Variants in TRPM3 observed in about 807,000 individuals in gnomAD.
TRPM3 encodes transient receptor potential cation channel subfamily M member 3, also known as long transient receptor potential channel 3.
In TRPM3, 77 loss-of-function variants were observed where a neutral mutation model predicts 181.2. That is an observed-to-expected ratio of 0.42 (90% CI 0.35 to 0.51). The LOEUF is 0.51. TRPM3 is among the 20% of genes least tolerant of loss of function. TRPM3 has a pLI of 0.01. For missense variants in TRPM3, 1,759 were observed against 2,196.7 expected (o/e 0.80, Z 3.98); for synonymous variants, 745 against 796.4 (o/e 0.94, Z 1.09).
chr9:71,035,019 T>C (rs2058023881), intron 1 of TRPM3, among the ~76,000 whole-genome samples: 2 of 152,190 alleles, frequency 1.3e-5, no homozygotes, highest in South Asian at 4.1e-4. Context: ...TATTCCTTGT[T>C]TACAGCGGCA....
chr9:71,407,554 T>C (rs1588888767), intron 1 of TRPM3, among the ~76,000 whole-genome samples: 1 of 152,178 alleles, frequency 6.6e-6, no homozygotes, highest in Non-Finnish European at 1.5e-5. Context: ...GAGGCTTGAC[T>C]AGGTAAACAA....
intron 1 of TRPM3, among the ~76,000 whole-genome samples, chr9:71,215,685 A>G (rs1270278172): frequency 2.6e-5 from 4 of 152,362 alleles, no homozygotes; most frequent in Non-Finnish European, 4.4e-5. Context: ...ATAAAATTGA[A>G]TGAAATCTCC....
chr9:71,117,752 T>G (rs1298156328), intron 1 of TRPM3, among the ~76,000 whole-genome samples: 2 of 152,202 alleles, frequency 1.3e-5, no homozygotes, highest in African/African-American at 4.8e-5. Context: ...TATAAAAATT[T>G]GAAAGTCTTA....
chr9:71,400,997 A>C (rs1259306170), intron 1 of TRPM3, among the ~76,000 whole-genome samples: 1 of 152,094 alleles, frequency 6.6e-6, no homozygotes, highest in East Asian at 1.9e-4. Flanking sequence ...CAGGAGTTGG[A>C]AACCAGCCTG....
chr9:71,328,043 G>A (rs1264612066), intron 1 of TRPM3, among the ~76,000 whole-genome samples: 1 of 144,304 alleles, frequency 6.9e-6, no homozygotes, highest in Non-Finnish European at 1.5e-5. Flanking sequence ...ATTAGCCAGA[G>A]AAATGATAGG....
At position 71,104,570 on chromosome 9, in the gene TRPM3, TAAG is replaced by T. The variant is rs1171444848; in HGVS notation, c.177+16605_177+16607del. ...AAATTCCTCATCTGAAAACCAGAGA[TAAG>T]AAGGCTTCATTACTGAAGATTAAAC... On this transcript the variant is annotated intron_variant, in intron 1 of 25. Transcript: ENST00000677713. Among the ~76,000 whole-genome samples, 5 of 152,314 alleles carry T rather than the reference TAAG, an allele frequency of 3.3e-5. No homozygotes were observed. The East Asian group carries it at 7.7e-4, about 24-fold the overall frequency.
chr9:70,683,060 TG>T lies in TRPM3; in HGVS notation c.1273-1483del, dbSNP rs552864197. 1.3e-3 allele frequency among the ~76,000 whole-genome samples: 195 copies of T among 152,280 alleles called. 1 individual carries two copies. The highest frequency in any genetic ancestry group is 4.6e-3 in the African/African-American group (191 of 41,558). On this transcript the variant is annotated intron_variant, in intron 8 of 25. Coordinates refer to ENST00000677713, the MANE Select transcript of TRPM3 (RefSeq NM_001366145.2). ...CTAGAAGAACAGCTGTGATTGGAATTGAATAACTCTCACCTTTATAACTTGG... is the reference window on the plus strand; with the variant it reads ...CTAGAAGAACAGCTGTGATTGGAATTAATAACTCTCACCTTTATAACTTGG...
At chr9:70,549,010 C>G (rs1164348796) in intron 25 of TRPM3, among the ~76,000 whole-genome samples, 1 of 151,672 alleles carries the variant, frequency 6.6e-6, no homozygotes, top group Non-Finnish European at 1.5e-5. Flanking sequence ...TTGCTTTCAT[C>G]TTGTTCTATA....
intron 19 of TRPM3, among the ~76,000 whole-genome samples, chr9:70,605,528 C>T (rs992285372): frequency 3.3e-5 from 5 of 151,612 alleles, no homozygotes; most frequent in African/African-American, 1.2e-4. Flanking sequence ...ATTGGCAAAT[C>T]ATGAAAACTT....
At chr9:70,996,640 C>G (rs1393634498) in intron 1 of TRPM3, among the ~76,000 whole-genome samples, 133 of 152,330 alleles carry the variant, frequency 8.7e-4, no homozygotes, top group African/African-American at 3.0e-3. Context: ...TTTAGATCAG[C>G]TCCCTGTCTA....
At chr9:70,541,539 T>A (rs1451855429) in intron 25 of TRPM3, among the ~76,000 whole-genome samples, 1 of 145,668 alleles carries the variant, frequency 6.9e-6, no homozygotes, top group Non-Finnish European at 1.5e-5. Flanking sequence ...GAGATGGAGT[T>A]TCACTCTTGT....
intron 1 of TRPM3, among the ~76,000 whole-genome samples, chr9:71,320,562 C>T (rs1240884477): frequency 1.3e-5 from 2 of 152,204 alleles, no homozygotes; most frequent in Non-Finnish European, 2.9e-5. Context: ...CAACCCTGGA[C>T]ACCTCATTGT....
intron 1 of TRPM3, among the ~76,000 whole-genome samples, chr9:71,028,298 A>AT (rs2056840250): frequency 6.6e-6 from 1 of 152,220 alleles, no homozygotes; most frequent in South Asian, 2.1e-4. Context: ...GACTTGCCGT[A>AT]TAAGAGCCCC....
At chr9:71,128,545 A>T (rs959113511) in intron 1 of TRPM3, among the ~76,000 whole-genome samples, 3 of 152,200 alleles carry the variant, frequency 2.0e-5, no homozygotes, top group African/African-American at 7.2e-5. Context: ...AATGCTATTC[A>T]TTATTGTAAA....
chr9:70,890,550 C>T (rs1589567219), intron 1 of TRPM3, among the ~76,000 whole-genome samples: 1 of 151,814 alleles, frequency 6.6e-6, no homozygotes, highest in Middle Eastern at 3.4e-3. Flanking sequence ...AAGACCAAGA[C>T]AAAGATAAGA....
intron 9 of TRPM3, among the ~76,000 whole-genome samples, chr9:70,655,399 A>T (rs1421819669): frequency 6.6e-6 from 1 of 151,336 alleles, no homozygotes. Context: ...CCTAAGGTTG[A>T]CCTGCAAACT....
intron 1 of TRPM3, among the ~76,000 whole-genome samples, chr9:71,379,965 T>C (rs1053553197): frequency 1.3e-5 from 2 of 152,064 alleles, no homozygotes; most frequent in South Asian, 2.1e-4. Flanking sequence ...TGCATTGCCA[T>C]GTGTTCAGTC....
intron 1 of TRPM3, among the ~76,000 whole-genome samples, chr9:71,426,579 A>C (rs2093867560): frequency 6.6e-6 from 1 of 152,166 alleles, no homozygotes; most frequent in Non-Finnish European, 1.5e-5. Context: ...GTTTAATTGC[A>C]CATGGCCCCA....
At chr9:70,621,374 G>C (rs2063611848) in intron 14 of TRPM3, 101 bp from the exon 15 acceptor site, 5 of 856,352 alleles carry the variant, frequency 5.8e-6, no homozygotes, top group Admixed American at 3.1e-5. Context: ...GTTTTGTTTT[G>C]TTTTTATTGA....
Sources: gnomAD v4.1 joint callset for allele counts (sites outside exome capture counted in the v4.1 genomes callset) on GRCh38, gnomAD v4.1.1 for gene constraint, MANE v1.5 for transcripts, NCBI Gene and HGNC (gene_info 2026-07-23, HGNC 2026-07-21) for gene names.